The following HDC variants were observed in gnomAD, a reference collection of about 807,000 sequenced individuals.
HDC encodes the protein histidine decarboxylase.
A neutral mutation model predicts 64.4 loss-of-function variants in HDC; 27 were observed. The ratio of observed to expected loss-of-function variants is 0.42; its 90% CI spans 0.31 to 0.58. The LOEUF is 0.58. Ranked by LOEUF, HDC falls within the 20% of genes least tolerant of loss-of-function variation. The probability of loss-of-function intolerance (pLI) is 0.16; values close to 1 mark genes in which losing one functional copy is unlikely to be tolerated. For synonymous variants in HDC, 305 were observed against 314.2 expected, an observed-to-expected ratio of 0.97 and a Z score of 0.31; for missense variants, 711 against 833.9, an observed-to-expected ratio of 0.85 and a Z score of 1.81.
rs547708256 is a variant in HDC, at chr15:50,264,457, T to TA, written c.32-1051dup. ...AGTGCTTAGGATATTTTTTAGATGC[T>TA]AAAAAAAAATGTATCAAGTGAATGA... On this transcript the variant is annotated intron_variant, in intron 1 of 11. Transcript: ENST00000267845. Among the ~76,000 whole-genome samples, 228 of 150,238 alleles carry TA rather than the reference T, an allele frequency of 1.5e-3. 1 individual carries two copies. Among genetic ancestry groups the TA allele is most frequent in the African/African-American group, 5.2e-3 (211 of 40,938 alleles).
Position 50,253,748 on chromosome 15 carries a change from G to A in HDC, c.721-82C>T, listed in dbSNP as rs529785790. 1,407 of 1,052,228 alleles carry A rather than the reference G, an allele frequency of 1.3e-3. 5 individuals carry two copies. Among genetic ancestry groups the A allele is most frequent in the Non-Finnish European group, 1.8e-3 (1,201 of 672,510 alleles). 65.2% of individuals were successfully genotyped at this position (1,052,228 alleles called of 1,614,324 possible). A position where few individuals can be genotyped will look rare whatever the true frequency, so the allele number is the denominator to read the frequency against. On this transcript the variant is annotated intron_variant, in intron 6 of 11. Coordinates refer to ENST00000267845, the MANE Select transcript of HDC (RefSeq NM_002112.4). ...GCCTGAGAAAGATTTCACCACAGACGTGATCTACTCCCATCCATCCCACCA... is the reference window on the plus strand; with the variant it reads ...GCCTGAGAAAGATTTCACCACAGACATGATCTACTCCCATCCATCCCACCA...
At position 50,243,216 on chromosome 15, in the gene HDC, G is replaced by T; in HGVS notation, c.1169C>A (p.Ser390Tyr). The T allele has an allele frequency of 3.7e-6, 6 of 1,613,398 alleles. No individual in the cohort carries two copies. Among genetic ancestry groups the T allele is most frequent in the Non-Finnish European group, 5.1e-6 (6 of 1,179,310 alleles). ...HGTEMAKYFE[S>Y]LVRNDPSFEI... ...AAAGGAAGGGTCGTTTCTGACCAGA[G>T]ATTCAAAATATTTAGCCATTTCAGT... Residue 390 changes from serine to tyrosine, a missense_variant, in exon 11 of 12, where the codon TCT (serine) becomes TAT (tyrosine). Around this residue, in one of 3 missense-constraint regions of HDC, gnomAD observed 483 missense variants for 540.9 expected, o/e 0.89. Transcript: ENST00000267845.
At chr15:50,253,352 C>G (rs1196280029) in intron 7 of HDC, 1 of 570,388 alleles carries the variant, frequency 1.8e-6, no homozygotes, top group Non-Finnish European at 3.1e-6. Context: ...ACCGAAGGCT[C>G]TCCTACTGTC....
intron 2 of HDC, among the ~76,000 whole-genome samples, chr15:50,262,789 C>T (rs1302713557): frequency 6.6e-6 from 1 of 152,206 alleles, no homozygotes; most frequent in African/African-American, 2.4e-5. Flanking sequence ...CCTTCCTTCT[C>T]TTTGGTGTGG....
intron 9 of HDC, among the ~76,000 whole-genome samples, chr15:50,249,311 G>A (rs897838913): frequency 4.6e-5 from 7 of 152,184 alleles, no homozygotes; most frequent in Admixed American, 2.6e-4. Flanking sequence ...AATGAGTCAC[G>A]TGGTTTCCTA....
rs2045727839 is a variant in HDC, at chr15:50,263,283, G to A, written c.156C>T (p.Asp52=). 1 of 1,614,206 alleles carries A rather than the reference G, an allele frequency of 6.2e-7. No homozygotes were observed. The highest frequency in any genetic ancestry group is 8.5e-7 in the Non-Finnish European group (1 of 1,180,028). Residue 52 remains aspartate (D), a synonymous_variant, in exon 2 of 12, where the codon GAC becomes GAT. Transcript: ENST00000267845. ...TGTCCCCAAAGATGCTGTCCCAGCT[G>A]TCGGGGTCCTCAGGAGCACTCTCAG... is the stretch of plus-strand genomic sequence containing the variant. ...QLPESAPEDP[D]SWDSIFGDIE...
chr15:50,246,458 T>C (rs530490380), intron 10 of HDC, among the ~76,000 whole-genome samples: 37 of 152,282 alleles, frequency 2.4e-4, no homozygotes, highest in Non-Finnish European at 4.3e-4. Flanking sequence ...AAGCTTCTAG[T>C]GGAAGCAGAA....
chr15:50,243,686 A>G (rs2045435925), intron 10 of HDC, among the ~76,000 whole-genome samples: 1 of 152,218 alleles, frequency 6.6e-6, no homozygotes, highest in Admixed American at 6.5e-5. Context: ...AGTGCACATC[A>G]AGTTGCCATA....
intron 2 of HDC, 97 bp downstream of exon 2, chr15:50,263,138 C>T: frequency 1.5e-6 from 2 of 1,295,328 alleles, no homozygotes; most frequent in Admixed American, 1.7e-5. Flanking sequence ...GATGCATTCT[C>T]ATCCCAAGCT....
chr15:50,244,995 T>A (rs868362531), intron 10 of HDC: 2 of 152,172 alleles, frequency 1.3e-5, no homozygotes, highest in Non-Finnish European at 2.9e-5. Flanking sequence ...CAAGTGACAG[T>A]AGGTAGATCT....
chr15:50,254,105 A>G, intron 6 of HDC, 25 bp downstream of exon 6: 2 of 1,613,752 alleles, frequency 1.2e-6, no homozygotes, highest in Non-Finnish European at 1.7e-6. Flanking sequence ...TATCATTCTA[A>G]GCTTAGGCAT....
intron 9 of HDC, among the ~76,000 whole-genome samples, chr15:50,249,134 C>T (rs1445949812): frequency 1.3e-5 from 2 of 152,176 alleles, no homozygotes; most frequent in South Asian, 2.1e-4. Flanking sequence ...AAATTTCTGC[C>T]GCTGTTAGAT....
chr15:50,243,717 C>T (rs983841089), intron 10 of HDC, among the ~76,000 whole-genome samples: 13 of 152,314 alleles, frequency 8.5e-5, no homozygotes, highest in Middle Eastern at 3.4e-3. Context: ...GCGGCCCTGC[C>T]CCATCCTAAG....
rs957593295 is a variant in HDC, at chr15:50,257,199, G to A, written c.441+226C>T. On this transcript the variant is annotated intron_variant, in intron 4 of 11. Coordinates refer to ENST00000267845, the MANE Select transcript of HDC (RefSeq NM_002112.4). ...CAAGTCATACTGGAAATGTGATCAT[G>A]TGTTGGCTCTTTAATTTCTTTCAAA... Among the ~76,000 whole-genome samples the A allele has an allele frequency of 5.3e-5, 8 of 152,348 alleles. No homozygotes were observed. The East Asian group carries it at 1.5e-3, about 29-fold the overall frequency.
chr15:50,244,857 T>C (rs1293797200), intron 10 of HDC: 1 of 152,164 alleles, frequency 6.6e-6, no homozygotes, highest in Non-Finnish European at 1.5e-5. Flanking sequence ...ACCTGGGCTA[T>C]GGTGGGAGCA....
chr15:50,244,285 C>CTTTTTTTTTT (rs554623599), intron 10 of HDC, among the ~76,000 whole-genome samples: 1 of 105,174 alleles, frequency 9.5e-6, no homozygotes, highest in African/African-American at 3.6e-5. Context: ...AGCTGAACCT[C>CTTTTTTTTTT]TTTTTTTTTT....
In HDC at chr15:50,263,427, A is replaced by G. The variant is rs551351314; in HGVS notation, c.32-20T>C. ...CTCTCCCTAGAAGTGACATAGAGAA[A>G]TCAGGCTGAAATCCCCTGACTGGGC... On this transcript the variant is annotated intron_variant, in intron 1 of 11. Coordinates refer to ENST00000267845, the MANE Select transcript of HDC (RefSeq NM_002112.4). 4 of 1,613,108 alleles carry G rather than the reference A, an allele frequency of 2.5e-6. No homozygotes were observed. Among genetic ancestry groups the G allele is most frequent in the Admixed American group, 3.3e-5 (2 of 59,928 alleles).
intron 9 of HDC, among the ~76,000 whole-genome samples, chr15:50,251,793 C>T (rs973860167): frequency 5.3e-5 from 8 of 150,872 alleles, no homozygotes; most frequent in Non-Finnish European, 8.8e-5. Flanking sequence ...GATGGCGCCA[C>T]TGCTCTCCAG....
chr15:50,257,333 C>T (rs1345460462), intron 4 of HDC, 92 bp downstream of exon 4: 15 of 1,531,826 alleles, frequency 9.8e-6, no homozygotes, highest in Middle Eastern at 3.5e-4. Context: ...GGGGGAAACT[C>T]CATGGAGAAC....
Sources: gnomAD v4.1 joint callset for allele counts (sites outside exome capture counted in the v4.1 genomes callset) on GRCh38, gnomAD v4.1.1 for gene constraint, gnomAD v4.1.1 regional missense constraint, MANE v1.5 for transcripts, NCBI Gene and HGNC (gene_info 2026-07-23, HGNC 2026-07-21) for gene names.